Variants in MGAT4C observed in about 807,000 individuals in gnomAD.
MGAT4C encodes alpha-1,3-mannosyl-glycoprotein 4-beta-N-acetylglucosaminyltransferase C.
A neutral mutation model predicts 40.1 loss-of-function variants in MGAT4C; 19 were observed. That is an observed-to-expected ratio of 0.47 (90% CI 0.33 to 0.70). The LOEUF (loss-of-function observed/expected upper bound fraction) is 0.70, where lower values mean the gene tolerates loss of function less well. Ranked by LOEUF, MGAT4C falls within the 30% of genes least tolerant of loss-of-function variation. The pLI is 0.02. For missense variants in MGAT4C, 491 were observed against 563.2 expected, an observed-to-expected ratio of 0.87 and a Z score of 1.30; for synonymous variants, 181 against 187.1, an observed-to-expected ratio of 0.97 and a Z score of 0.27.
rs577387666 is a variant in MGAT4C, at chr12:86,154,704, A to T, written c.-57+101535T>A. ...GATCAAAAAAAAGATAAATAAGTGA[A>T]TTTCGTTTTTGGCACACCAACCATT... is the stretch of plus-strand genomic sequence containing the variant. On this transcript the variant is annotated intron_variant, in intron 1 of 4. Transcript: ENST00000611864. Among the ~76,000 whole-genome samples, 8 of 152,266 alleles carry T rather than the reference A, an allele frequency of 5.3e-5. No homozygotes were observed. In the East Asian group the frequency reaches 9.7e-4, roughly 18 times the overall value.
chr12:86,782,076 TC>T, intron 1 of MGAT4C, among the ~76,000 whole-genome samples: 1 of 151,758 alleles, frequency 6.6e-6, no homozygotes, highest in South Asian at 2.1e-4. Flanking sequence ...TACTGCAAGC[TC>T]CGCTTCCCGG....
intron 1 of MGAT4C, among the ~76,000 whole-genome samples, chr12:86,727,621 A>T (rs1950844026): frequency 6.6e-6 from 1 of 152,134 alleles, no homozygotes; most frequent in South Asian, 2.1e-4. Flanking sequence ...TAATGATACA[A>T]AAATTTTAAA....
intron 3 of MGAT4C, among the ~76,000 whole-genome samples, chr12:86,381,321 T>C (rs1210969891): frequency 6.6e-6 from 1 of 152,196 alleles, no homozygotes; most frequent in Non-Finnish European, 1.5e-5. Flanking sequence ...TATCTTCATT[T>C]ATTGTGAAAG....
At chr12:86,714,774 A>AAAGG (rs71445060) in intron 2 of MGAT4C, among the ~76,000 whole-genome samples, 88,443 of 141,264 alleles carry the variant, frequency 0.63, 28,190 homozygotes, top group Middle Eastern at 0.84. Context: ...TGGAAGGGAA[A>AAAGG]AAGGAAGGAA....
intron 2 of MGAT4C, among the ~76,000 whole-genome samples, chr12:86,640,995 C>T (rs1196558517): frequency 1.3e-5 from 2 of 151,924 alleles, no homozygotes; most frequent in Non-Finnish European, 2.9e-5. Context: ...TGTTCTTGTA[C>T]ATTTGCTGAG....
intron 1 of MGAT4C, among the ~76,000 whole-genome samples, chr12:86,798,752 T>C (rs1239005467): frequency 6.6e-6 from 1 of 151,872 alleles, no homozygotes; most frequent in Non-Finnish European, 1.5e-5. Context: ...GTTTAAAACA[T>C]GGAATAACTG....
At chr12:86,459,430 T>TG (rs1957559167) in intron 2 of MGAT4C, among the ~76,000 whole-genome samples, 1 of 151,828 alleles carries the variant, frequency 6.6e-6, no homozygotes, top group Non-Finnish European at 1.5e-5. Context: ...TTTACAACCA[T>TG]GTTGTAAACT....
chr12:86,198,405 A>G (rs1242592552), intron 1 of MGAT4C, among the ~76,000 whole-genome samples: 2 of 152,156 alleles, frequency 1.3e-5, no homozygotes, highest in African/African-American at 4.8e-5. Context: ...ACTTTCTGAC[A>G]TTACATTTGC....
intron 4 of MGAT4C, among the ~76,000 whole-genome samples, chr12:86,315,687 C>T (rs1054681330): frequency 1.3e-5 from 2 of 152,048 alleles, no homozygotes; most frequent in African/African-American, 4.8e-5. Context: ...GCCTGGGGGA[C>T]AGGGCGAGAC....
intron 2 of MGAT4C, among the ~76,000 whole-genome samples, chr12:86,542,822 T>G (rs1959175076): frequency 6.6e-6 from 1 of 152,170 alleles, no homozygotes; most frequent in Admixed American, 6.5e-5. Context: ...ATAATAAATA[T>G]TTGGTCAATT....
intron 1 of MGAT4C, among the ~76,000 whole-genome samples, chr12:86,789,046 A>G (rs1421550801): frequency 2.0e-5 from 3 of 152,114 alleles, no homozygotes; most frequent in East Asian, 1.9e-4. Context: ...GAAATAGTAT[A>G]AAAGGTTAAG....
chr12:86,337,303 A>G (rs948466811), intron 3 of MGAT4C, among the ~76,000 whole-genome samples: 6 of 152,116 alleles, frequency 3.9e-5, no homozygotes, highest in Admixed American at 3.9e-4. Flanking sequence ...GATGTTTTTA[A>G]AGTTGGGAAG....
intron 2 of MGAT4C, among the ~76,000 whole-genome samples, chr12:85,999,030 G>A (rs1886973719): frequency 1.3e-5 from 2 of 152,138 alleles, no homozygotes; most frequent in African/African-American, 4.8e-5. Context: ...ACATGGCTGG[G>A]GAGTCCTCAC....
chr12:86,737,342 CTTTTT>C (rs36112885), intron 1 of MGAT4C, among the ~76,000 whole-genome samples: 2 of 131,214 alleles, frequency 1.5e-5, no homozygotes, highest in African/African-American at 5.6e-5. Context: ...AACTAAAATA[CTTTTT>C]TTTTTTTTTT....
chr12:86,339,617 A>C (rs1258897771), intron 3 of MGAT4C, among the ~76,000 whole-genome samples: 3 of 152,204 alleles, frequency 2.0e-5, no homozygotes, highest in African/African-American at 7.2e-5. Context: ...GAGATCAGCA[A>C]CATTCTGAGA....
At position 86,817,462 on chromosome 12, in the gene MGAT4C, G is replaced by A. The variant is rs1038173807; in HGVS notation, c.-262+21204C>T. On this transcript the variant is annotated intron_variant, in intron 1 of 7. Transcript: ENST00000548651. ...GTTCCACGTGTATTCTTCTACATCT[G>A]TTGGGTACAGACAAAAGTCCATCAA... Among the ~76,000 whole-genome samples the A allele has an allele frequency of 2.0e-5, 3 of 151,330 alleles. No individual in the cohort carries two copies. The Admixed American group carries it at 2.0e-4, about 10-fold the overall frequency.
intron 2 of MGAT4C, among the ~76,000 whole-genome samples, chr12:86,655,733 T>G (rs767805264): frequency 6.6e-6 from 1 of 152,152 alleles, no homozygotes; most frequent in Non-Finnish European, 1.5e-5. Context: ...TTTAAAAAGA[T>G]TGGCTATTAG....
intron 1 of MGAT4C, among the ~76,000 whole-genome samples, chr12:86,747,137 C>G (rs1340882748): frequency 6.6e-6 from 1 of 151,526 alleles, no homozygotes; most frequent in Non-Finnish European, 1.5e-5. Flanking sequence ...AGAGCATCCT[C>G]CAGTGCTCCT....
At chr12:86,529,645 A>G (rs1449910188) in intron 2 of MGAT4C, among the ~76,000 whole-genome samples, 1 of 152,046 alleles carries the variant, frequency 6.6e-6, no homozygotes, top group African/African-American at 2.4e-5. Context: ...CTTGCCTTCT[A>G]GGTCTAGTAA....
Sources: gnomAD v4.1 joint callset for allele counts (sites outside exome capture counted in the v4.1 genomes callset) on GRCh38, gnomAD v4.1.1 for gene constraint, MANE v1.5 for transcripts, NCBI Gene and HGNC (gene_info 2026-07-23, HGNC 2026-07-21) for gene names.